The following IP6K2 variants were observed in gnomAD, a reference collection of about 807,000 sequenced individuals.
The protein encoded by IP6K2 is ATP:1D-myo-inositol-hexakisphosphate phosphotransferase.
A neutral mutation model predicts 43.3 loss-of-function variants in IP6K2; 9 were observed. The observed-to-expected ratio is 0.21, with a 90% CI of 0.13 to 0.36. The LOEUF (loss-of-function observed/expected upper bound fraction) is 0.36. Ranked by LOEUF, IP6K2 falls within the 10% of genes least tolerant of loss-of-function variation. The probability of loss-of-function intolerance (pLI) is 1.00; values close to 1 mark genes in which losing one functional copy is unlikely to be tolerated. For missense variants in IP6K2, 332 were observed against 538.4 expected (o/e 0.62, Z 3.79); for synonymous variants, 209 against 202.4 (o/e 1.03, Z -0.28).
intron 2 of IP6K2, chr3:48,694,702 C>T (rs2078123570): frequency 6.6e-7 from 1 of 1,504,528 alleles, no homozygotes; most frequent in African/African-American, 1.4e-5. Flanking sequence ...ACCTAATTAC[C>T]CGGGCTTCTG....
Position 48,695,462 on chromosome 3 carries a change from C to T in IP6K2, c.-130-41G>A, listed in dbSNP as rs574585883. 4.1e-5 allele frequency: 57 copies of T among 1,397,018 alleles called. No homozygotes were observed. The highest frequency in any genetic ancestry group is 2.6e-4 in the African/African-American group (18 of 69,496). The allele number at this position is 1,397,018 out of a possible 1,614,324, so 86.5% of individuals were successfully genotyped here. On this transcript the variant is annotated intron_variant, in intron 1 of 5. Transcript: ENST00000328631. This position sits in a 1 kb window ranked among gnomAD's most constrained non-coding sequence, Gnocchi z 4.6. Reference sequence around the variant, plus strand: ...ATGATGACATGGGGGTTCGAAGTAGCGTGGGAAGTGCCTTAGAGCTGCTCA... The same window carrying T: ...ATGATGACATGGGGGTTCGAAGTAGTGTGGGAAGTGCCTTAGAGCTGCTCA...
intron 1 of IP6K2, among the ~76,000 whole-genome samples, chr3:48,708,770 C>CA (rs371374448): frequency 1.9e-4 from 29 of 152,172 alleles, no homozygotes; most frequent in African/African-American, 7.0e-4. Flanking sequence ...TTTCATATGC[C>CA]AATAAGTAAT....
intron 1 of IP6K2, among the ~76,000 whole-genome samples, chr3:48,703,657 C>T (rs1426544097): frequency 2.0e-5 from 3 of 151,894 alleles, no homozygotes; most frequent in African/African-American, 7.3e-5. Flanking sequence ...GCAGAGCTTG[C>T]AGTGAGCCAA....
chr3:48,696,540 A>G (rs1185005825), intron 1 of IP6K2, among the ~76,000 whole-genome samples: 1 of 152,230 alleles, frequency 6.6e-6, no homozygotes, highest in Admixed American at 6.5e-5. Context: ...TCAGCCATGC[A>G]CTGGATGCCG....
At chr3:48,693,615 G>A (rs1000957470) in intron 2 of IP6K2, 42 of 1,147,584 alleles carry the variant, frequency 3.7e-5, no homozygotes, top group Non-Finnish European at 4.5e-5. Flanking sequence ...GGGGAACACA[G>A]GTTTGCCTGA....
chr3:48,708,283 AAG>A (rs2080058195), intron 1 of IP6K2: 2 of 152,018 alleles, frequency 1.3e-5, no homozygotes, highest in South Asian at 4.1e-4. Context: ...AATAATAAAA[AAG>A]AAATATGTTT....
intron 1 of IP6K2, chr3:48,715,592 C>A (rs1021223767): frequency 3.4e-6 from 3 of 880,370 alleles, no homozygotes; most frequent in Admixed American, 4.8e-5. Flanking sequence ...CAGGTCCCTG[C>A]CTTGCTCCCT....
chr3:48,696,392 C>T (rs2078351603), intron 1 of IP6K2, among the ~76,000 whole-genome samples: 2 of 152,114 alleles, frequency 1.3e-5, no homozygotes, highest in South Asian at 4.2e-4. Flanking sequence ...CTGATCAAGG[C>T]TGGTTAACTC....
At chr3:48,713,436 C>A (rs1217102084) in intron 1 of IP6K2, among the ~76,000 whole-genome samples, 1 of 152,238 alleles carries the variant, frequency 6.6e-6, no homozygotes, top group African/African-American at 2.4e-5. Context: ...ACGTGGCAGC[C>A]TTCCACAAAC....
chr3:48,688,806 A>C lies in IP6K2; in HGVS notation c.781-33T>G, dbSNP rs972998281. 1 of 1,571,870 alleles carries C rather than the reference A, an allele frequency of 6.4e-7. No homozygotes were observed. Among genetic ancestry groups the C allele is most frequent in the Non-Finnish European group, 8.6e-7 (1 of 1,157,748 alleles). ...AGAGAGACCAGCAAGTCAGGGGCTG[A>C]GGGCCATCTCAAACCCTGGACCCCG... On this transcript the variant is annotated intron_variant, in intron 5 of 5. Transcript: ENST00000328631. This position sits in a 1 kb window ranked among gnomAD's most constrained non-coding sequence, Gnocchi z 5.1.
At chr3:48,714,683 G>C (rs1384806377) in intron 1 of IP6K2, among the ~76,000 whole-genome samples, 6 of 152,134 alleles carry the variant, frequency 3.9e-5, no homozygotes, top group African/African-American at 4.8e-5. Flanking sequence ...GAGCCACCAA[G>C]CCTGGCCCTG....
chr3:48,703,426 CAGG>C (rs1315403770), intron 1 of IP6K2, among the ~76,000 whole-genome samples: 19 of 152,172 alleles, frequency 1.2e-4, no homozygotes, highest in South Asian at 4.1e-4. Flanking sequence ...TTATCTCGGC[CAGG>C]CACGGTGGCT....
At chr3:48,697,693 A>G (rs912320503) in intron 1 of IP6K2, among the ~76,000 whole-genome samples, 1 of 150,522 alleles carries the variant, frequency 6.6e-6, no homozygotes, top group African/African-American at 2.4e-5. Context: ...TTCTTAAAAA[A>G]AAGTCAACAG....
intron 2 of IP6K2, chr3:48,694,546 A>T: frequency 6.6e-7 from 1 of 1,521,622 alleles, no homozygotes; most frequent in Non-Finnish European, 8.8e-7. Flanking sequence ...CATTATAAAA[A>T]GAAATAAAAA....
intron 1 of IP6K2, among the ~76,000 whole-genome samples, chr3:48,703,723 C>T (rs954672361): frequency 2.0e-5 from 3 of 151,330 alleles, no homozygotes; most frequent in Non-Finnish European, 4.4e-5. Context: ...TCTCAAAAAA[C>T]AAAACAAAAC....
rs1185695121 is a variant in IP6K2 at position 48,688,435 on chromosome 3, G to A, written c.1119C>T (p.Gly373=). Residue 373 remains glycine (G), a synonymous_variant, in exon 6 of 6, where the codon GGC becomes GGT. Coordinates refer to ENST00000328631, the MANE Select transcript of IP6K2 (RefSeq NM_016291.4). The surrounding 1 kb of genome is among the most constrained non-coding windows in gnomAD (Gnocchi z 5.1). ...SAGAYAYKPI[G]ASSVDVRMID... ...TCATGCGCACATCTACAGAGCTGGCGCCGATGGGTTTGTAGGCATAGGCAC... is the reference window on the plus strand; with the variant it reads ...TCATGCGCACATCTACAGAGCTGGCACCGATGGGTTTGTAGGCATAGGCAC... 3.7e-6 allele frequency: 6 copies of A among 1,614,056 alleles called. No homozygotes were observed. The highest frequency in any genetic ancestry group is 2.2e-5 in the East Asian group (1 of 44,902).
intron 1 of IP6K2, among the ~76,000 whole-genome samples, chr3:48,700,986 CT>C (rs2078958741): frequency 6.6e-6 from 1 of 152,216 alleles, no homozygotes; most frequent in Non-Finnish European, 1.5e-5. Context: ...TGCAAAGCCA[CT>C]TTGGAAAACA....
Position 48,695,257 on chromosome 3 carries a change from G to T in IP6K2, c.35C>A (p.Pro12His), listed in dbSNP as rs756111244. The change falls in exon 2 of 6, where the codon CCC becomes CAC. Residue 12 changes from proline (P) to histidine (H), a missense_variant. Physicochemically the swap from Pro to His is moderately conservative, Grantham distance 77. Transcript: ENST00000328631. This position sits in a 1 kb window ranked among gnomAD's most constrained non-coding sequence, Gnocchi z 4.6. ...SPAFRAMDVE[P>H]RAKGVLLEPF... ...CTCCAGAAGGACGCCTTTGGCGCGG[G>T]GCTCCACATCCATGGCCCTGAAGGC... 6.9e-6 allele frequency: 11 copies of T among 1,586,722 alleles called. No individual in the cohort carries two copies. The Admixed American group carries it at 1.4e-4, about 20-fold the overall frequency.
At chr3:48,715,991 C>A (rs548531226) in intron 1 of IP6K2, among the ~76,000 whole-genome samples, 1 of 151,404 alleles carries the variant, frequency 6.6e-6, no homozygotes, top group South Asian at 2.1e-4. Context: ...ATAAAGTATT[C>A]ATTTGGCCCT....
Sources: allele counts gnomAD v4.1 joint callset (sites outside exome capture counted in the v4.1 genomes callset), GRCh38; gene constraint gnomAD v4.1.1; non-coding constraint Gnocchi (gnomAD v3.1); transcripts MANE v1.5; gene names NCBI Gene and HGNC (gene_info 2026-07-23, HGNC 2026-07-21).